SLC45A4: variants seen among roughly 807,000 people sequenced by gnomAD.
SLC45A4 encodes the protein polyamine-transporter SLC45A4.
In SLC45A4, 32 loss-of-function variants were observed where a neutral mutation model predicts 63.7. That is an observed-to-expected ratio of 0.50 (90% CI 0.38 to 0.67). SLC45A4 has a LOEUF of 0.67. Ranked by LOEUF, SLC45A4 falls within the 30% of genes least tolerant of loss-of-function variation. The probability of loss-of-function intolerance (pLI) is 0.00; values close to 1 mark genes in which losing one functional copy is unlikely to be tolerated. For synonymous variants in SLC45A4, 535 were observed against 510.0 expected, an observed-to-expected ratio of 1.05 and a Z score of -0.66; for missense variants, 1,027 against 1,157.7, an observed-to-expected ratio of 0.89 and a Z score of 1.64.
chr8:141,286,636 C>G (rs557172255), intron 1 of SLC45A4, among the ~76,000 whole-genome samples: 72 of 152,186 alleles, frequency 4.7e-4, no homozygotes, highest in African/African-American at 1.6e-3. Flanking sequence ...GCCTGCCCCC[C>G]AGAAATGTGA....
chr8:141,285,089 C>T (rs1830088667), intron 1 of SLC45A4, among the ~76,000 whole-genome samples: 1 of 152,186 alleles, frequency 6.6e-6, no homozygotes, highest in African/African-American at 2.4e-5. Flanking sequence ...AGCAGACTTC[C>T]CCCACCTCAC....
At chr8:141,302,611 C>A (rs1378047781) in intron 1 of SLC45A4, among the ~76,000 whole-genome samples, 1 of 152,228 alleles carries the variant, frequency 6.6e-6, no homozygotes, top group Non-Finnish European at 1.5e-5. Context: ...GGATTACAGG[C>A]ATGAGCCACC....
intron 1 of SLC45A4, among the ~76,000 whole-genome samples, chr8:141,297,245 G>A (rs557541198): frequency 1.7e-3 from 263 of 151,852 alleles, no homozygotes; most frequent in Middle Eastern, 6.9e-3. Context: ...AATGCAACAG[G>A]GCTCCACCAA....
intron 1 of SLC45A4, among the ~76,000 whole-genome samples, chr8:141,299,210 A>G (rs1589866582): frequency 1.3e-5 from 2 of 152,232 alleles, no homozygotes; most frequent in Admixed American, 6.5e-5. Context: ...AGGAGGGCCC[A>G]GCCCGGACTA....
chr8:141,273,777 C>T (rs748280376), intron 1 of SLC45A4, among the ~76,000 whole-genome samples: 49 of 152,080 alleles, frequency 3.2e-4, no homozygotes, highest in Admixed American at 5.2e-4. Flanking sequence ...ACATAGTGAA[C>T]GTCGTGCTAC....
intron 2 of SLC45A4, among the ~76,000 whole-genome samples, chr8:141,222,310 C>T (rs1826696157): frequency 6.6e-6 from 1 of 152,238 alleles, no homozygotes; most frequent in Non-Finnish European, 1.5e-5. Context: ...TGCAGAGGGT[C>T]CCCACAGCCA....
chr8:141,209,666 A>G lies in SLC45A4; in HGVS notation c.*1906T>C, dbSNP rs1825702140. ...CCACCGACTCCTGTCACCGAGGAGC[A>G]CACAACAGTCACGCCTGTCCCTGGC... On this transcript the variant is annotated 3_prime_UTR_variant, in exon 9 of 9. Coordinates refer to ENST00000517878, the MANE Select transcript of SLC45A4 (RefSeq NM_001286646.2). 6.6e-6 allele frequency: 1 copy of G among 152,316 alleles called. No homozygotes were observed. Among genetic ancestry groups the G allele is most frequent in the African/African-American group, 2.4e-5 (1 of 41,468 alleles). The allele number at this position is 152,316 out of a possible 1,614,324, so 9.4% of individuals were successfully genotyped here.
chr8:141,218,822 T>C lies in SLC45A4; in HGVS notation c.818A>G (p.Asp273Gly), dbSNP rs762226384. The C allele has an allele frequency of 6.2e-7, 1 of 1,612,342 alleles. No individual in the cohort carries two copies. Among genetic ancestry groups the C allele is most frequent in the Non-Finnish European group, 8.5e-7 (1 of 1,179,484 alleles). The change falls in exon 5 of 9, where the codon GAT becomes GGT. Residue 273 changes from aspartate to glycine, a missense_variant. By Grantham distance (94) the Asp-to-Gly change is moderately conservative. Transcript: ENST00000517878. ...AGGGACGCCGTGCGGCTCGCCCCCA[T>C]CCAGGGCGCCGGGCTCCTCAGCGCT... ...ERSAEEPGAL[D>G]GGEPHGVPAF...
intron 2 of SLC45A4, among the ~76,000 whole-genome samples, chr8:141,246,301 C>T (rs192772892): frequency 2.8e-4 from 43 of 152,290 alleles, no homozygotes; most frequent in African/African-American, 4.1e-4. Flanking sequence ...CCAGCGGCAC[C>T]GAGCAACAGT....
intron 1 of SLC45A4, among the ~76,000 whole-genome samples, chr8:141,301,277 T>C (rs1383468556): frequency 6.6e-6 from 1 of 152,198 alleles, no homozygotes; most frequent in African/African-American, 2.4e-5. Context: ...TTCCGGTGTA[T>C]TTTGTGCATT....
At chr8:141,305,009 T>C (rs1778604247) in intron 1 of SLC45A4, among the ~76,000 whole-genome samples, 1 of 152,150 alleles carries the variant, frequency 6.6e-6, no homozygotes, top group African/African-American at 2.4e-5. Flanking sequence ...CTGTTAAGCT[T>C]CCCTTTCGGC....
chr8:141,260,998 C>T (rs1312577262), intron 1 of SLC45A4, among the ~76,000 whole-genome samples: 2 of 152,198 alleles, frequency 1.3e-5, no homozygotes, highest in Admixed American at 6.5e-5. Context: ...CAAACCGAAT[C>T]CAGCAGCACA....
Position 141,218,290 on chromosome 8 carries a change from C to T in SLC45A4, c.1350G>A (p.Lys450=). The change falls in exon 5 of 9, where the codon AAG becomes AAA. Residue 450 remains lysine, a synonymous_variant. Coordinates refer to ENST00000517878, the MANE Select transcript of SLC45A4 (RefSeq NM_001286646.2). ...YRRANAVVLI[K]PSRSMSDLYD... is the part of the protein sequence containing the mutation. ...ACAGGTCGCTCATGCTGCGCGACGGCTTGATCAGCACCACGGCGTTGGCGC... is the reference window on the plus strand; with the variant it reads ...ACAGGTCGCTCATGCTGCGCGACGGTTTGATCAGCACCACGGCGTTGGCGC... 1 of 1,605,516 alleles carries T rather than the reference C, an allele frequency of 6.2e-7. No individual in the cohort carries two copies. The highest frequency in any genetic ancestry group is 8.5e-7 in the Non-Finnish European group (1 of 1,179,850).
At chr8:141,286,344 T>C (rs1208760842) in intron 1 of SLC45A4, among the ~76,000 whole-genome samples, 1 of 152,138 alleles carries the variant, frequency 6.6e-6, no homozygotes, top group East Asian at 1.9e-4. Flanking sequence ...ATGGGATCTG[T>C]GCCCTCAGGA....
At chr8:141,258,052 T>C (rs900072118) in intron 1 of SLC45A4, among the ~76,000 whole-genome samples, 11 of 144,388 alleles carry the variant, frequency 7.6e-5, no homozygotes, top group African/African-American at 1.3e-4. Flanking sequence ...CTTTTTTGTT[T>C]CTTCTTCCTT....
At chr8:141,307,803 GT>G in intron 1 of SLC45A4, among the ~76,000 whole-genome samples, 1 of 145,346 alleles carries the variant, frequency 6.9e-6, no homozygotes, top group African/African-American at 2.6e-5. Context: ...GCGCCCCGGG[GT>G]GGGGGCCGGG....
chr8:141,216,365 C>G (rs1470076537), intron 6 of SLC45A4, among the ~76,000 whole-genome samples: 1 of 152,376 alleles, frequency 6.6e-6, no homozygotes, highest in Admixed American at 6.5e-5. Flanking sequence ...CGGGAACACA[C>G]ATTTTTGCTG....
chr8:141,228,159 T>C, intron 2 of SLC45A4: 3 of 1,613,898 alleles, frequency 1.9e-6, no homozygotes, highest in Middle Eastern at 1.7e-4. Flanking sequence ...GGCAGCAGTT[T>C]TGAAATTGAG....
intron 1 of SLC45A4, among the ~76,000 whole-genome samples, chr8:141,281,679 C>A (rs889787336): frequency 6.6e-6 from 1 of 152,190 alleles, no homozygotes; most frequent in African/African-American, 2.4e-5. Context: ...AGACAAAAAA[C>A]ACAGGACCAT....
Sources: allele counts gnomAD v4.1 joint callset (sites outside exome capture counted in the v4.1 genomes callset), GRCh38; gene constraint gnomAD v4.1.1; transcripts MANE v1.5; gene names NCBI Gene and HGNC (gene_info 2026-07-23, HGNC 2026-07-21).